The following SLC15A4 variants were observed in gnomAD, a reference collection of about 807,000 sequenced individuals.
SLC15A4 encodes solute carrier family 15 member 4.
SLC15A4 carries 26 observed loss-of-function variants against 46.1 expected under a neutral mutation model. The observed-to-expected ratio is 0.56, with a 90% CI of 0.41 to 0.78. The LOEUF is 0.78. Among genes scored for constraint, SLC15A4 ranks in the 30% least tolerant of loss-of-function variants. The probability of loss-of-function intolerance (pLI) is 0.00; values close to 1 mark genes in which losing one functional copy is unlikely to be tolerated. For synonymous variants in SLC15A4, 370 were observed against 333.4 expected (o/e 1.11, Z -1.20); for missense variants, 751 against 755.7 (o/e 0.99, Z 0.07).
At chr12:128,801,099 C>T in intron 5 of SLC15A4, 90 bp from the exon 6 acceptor site, 2 of 1,245,136 alleles carry the variant, frequency 1.6e-6, no homozygotes, top group Admixed American at 4.7e-5. Flanking sequence ...GACTTCGTAG[C>T]AAACGTGATT....
At chr12:128,798,875 C>T (rs549512586) in intron 7 of SLC15A4, among the ~76,000 whole-genome samples, 3 of 152,308 alleles carry the variant, frequency 2.0e-5, no homozygotes, top group African/African-American at 7.2e-5. Flanking sequence ...AAGTACACCA[C>T]CAAGTTAAAG....
chr12:128,822,916 C>G (rs1202287850), intron 1 of SLC15A4, among the ~76,000 whole-genome samples: 9 of 152,028 alleles, frequency 5.9e-5, no homozygotes, highest in African/African-American at 2.2e-4. Context: ...TGGTGTGACC[C>G]TAGCTCACTG....
At position 128,794,891 on chromosome 12, in the gene SLC15A4, A is replaced by G. The variant is rs557247558; in HGVS notation, c.1574-535T>C. 8.5e-5 allele frequency among the ~76,000 whole-genome samples: 13 copies of G among 152,286 alleles called. No individual in the cohort carries two copies. The South Asian group carries it at 2.7e-3, about 32-fold the overall frequency. On this transcript the variant is annotated intron_variant, in intron 7 of 7. Transcript: ENST00000266771. ...CCTTCCTGTGTTCTTGCCACCAGAA[A>G]CAAGTGTTAGCCGGTCTGGTGTTAT...
intron 1 of SLC15A4, among the ~76,000 whole-genome samples, chr12:128,819,280 T>C (rs1445415822): frequency 6.6e-6 from 1 of 152,132 alleles, no homozygotes; most frequent in African/African-American, 2.4e-5. Context: ...GGCTCACACC[T>C]GTAGTCCCAG....
At chr12:128,818,572 C>T (rs1427163056) in intron 1 of SLC15A4, among the ~76,000 whole-genome samples, 3 of 152,244 alleles carry the variant, frequency 2.0e-5, no homozygotes, top group Admixed American at 6.5e-5. Context: ...CACCTGGTCA[C>T]GGGCAAGCAC....
At chr12:128,814,301 T>C (rs1157544531) in intron 2 of SLC15A4, 1 of 208,812 alleles carries the variant, frequency 4.8e-6, no homozygotes, top group Non-Finnish European at 9.8e-6. Context: ...CGCTGTATGA[T>C]GGAGCCCATG....
At chr12:128,821,849 G>A (rs1197386628) in intron 1 of SLC15A4, among the ~76,000 whole-genome samples, 4 of 146,286 alleles carry the variant, frequency 2.7e-5, no homozygotes, top group Non-Finnish European at 5.9e-5. Flanking sequence ...TCGCGCCACT[G>A]CACTCCAACC....
At chr12:128,795,738 C>T (rs539485923) in intron 7 of SLC15A4, among the ~76,000 whole-genome samples, 2 of 152,366 alleles carry the variant, frequency 1.3e-5, no homozygotes, top group East Asian at 1.9e-4. Flanking sequence ...GAGCAGAAAA[C>T]GGCAGGACTT....
At chr12:128,810,699 C>A (rs947172749) in intron 2 of SLC15A4, among the ~76,000 whole-genome samples, 2 of 151,996 alleles carry the variant, frequency 1.3e-5, no homozygotes. Flanking sequence ...TGGGGGAGGG[C>A]GGTGCTGGTG....
In SLC15A4 at chr12:128,808,925, G is replaced by C. The variant is rs139488693; in HGVS notation, c.1121C>G (p.Ala374Gly). 1.2e-6 allele frequency: 2 copies of C among 1,614,118 alleles called. No individual in the cohort carries two copies. The highest frequency in any genetic ancestry group is 1.1e-5 in the South Asian group (1 of 91,082). Residue 374 changes from alanine to glycine, a missense_variant, in exon 5 of 8, where the codon GCT becomes GGT. Transcript: ENST00000266771. ...LPAAWLTMFD[A>G]VLILLLIPLK... ...AGGGATGAGCAGGAGGATGAGCACA[G>C]CATCAAACATGGTCAGCCAGGCTGC...
chr12:128,796,924 G>A (rs905217024), intron 7 of SLC15A4, among the ~76,000 whole-genome samples: 9 of 152,182 alleles, frequency 5.9e-5, no homozygotes, highest in East Asian at 3.8e-4. Context: ...GTGGAGGTGC[G>A]GTCCAAGCCC....
intron 1 of SLC15A4, among the ~76,000 whole-genome samples, chr12:128,822,464 C>G (rs927675880): frequency 6.6e-6 from 1 of 152,234 alleles, no homozygotes; most frequent in Non-Finnish European, 1.5e-5. Context: ...TGGAAAGCTC[C>G]TCAAACAACT....
At chr12:128,797,103 T>C (rs2135703296) in intron 7 of SLC15A4, among the ~76,000 whole-genome samples, 1 of 152,016 alleles carries the variant, frequency 6.6e-6, no homozygotes, top group South Asian at 2.1e-4. Flanking sequence ...GTTTTGACAT[T>C]TGACAAGACA....
intron 1 of SLC15A4, chr12:128,815,871 A>C (rs1209156394): frequency 6.6e-6 from 1 of 152,236 alleles, no homozygotes; most frequent in Non-Finnish European, 1.5e-5. Flanking sequence ...TGCAAGTACC[A>C]TGAGGCACCC....
At chr12:128,806,152 A>G (rs1955584843) in intron 5 of SLC15A4, among the ~76,000 whole-genome samples, 1 of 119,870 alleles carries the variant, frequency 8.3e-6, no homozygotes, top group South Asian at 2.8e-4. Flanking sequence ...CCTGGGCGAC[A>G]GAGACTCTGT....
intron 2 of SLC15A4, among the ~76,000 whole-genome samples, chr12:128,810,650 G>T (rs958300455): frequency 6.6e-6 from 1 of 152,142 alleles, no homozygotes; most frequent in East Asian, 1.9e-4. Context: ...TTCTATTCTC[G>T]GAGGAAAGCT....
At chr12:128,801,103 CG>C (rs1955513989) in intron 5 of SLC15A4, 94 bp from the exon 6 acceptor site, 2 of 1,215,894 alleles carry the variant, frequency 1.6e-6, no homozygotes, top group African/African-American at 1.5e-5. Flanking sequence ...TCGTAGCAAA[CG>C]TGATTCTGAT....
intron 1 of SLC15A4, among the ~76,000 whole-genome samples, chr12:128,819,173 G>A (rs950601024): frequency 3.9e-5 from 6 of 152,180 alleles, no homozygotes; most frequent in Non-Finnish European, 7.3e-5. Flanking sequence ...GGAGGCCGAG[G>A]CAGGTGGATC....
In SLC15A4 at chr12:128,823,578, C is replaced by A; in HGVS notation, c.366G>T (p.Leu122=). The A allele has an allele frequency of 6.9e-7, 1 of 1,444,628 alleles. No individual in the cohort carries two copies. Among genetic ancestry groups the A allele is most frequent in the South Asian group, 1.4e-5 (1 of 72,692 alleles). 89.5% of individuals were successfully genotyped at this position (1,444,628 alleles called of 1,614,324 possible). ...CGGCTCGCGTGGCGGGCGCGGCCAGCAGCGGGAAGGCCAGCATGCCCAGCA... is the reference window on the plus strand; with the variant it reads ...CGGCTCGCGTGGCGGGCGCGGCCAGAAGCGGGAAGGCCAGCATGCCCAGCA... ...LYLLGMLAFP[L]LAAPATRAAL... is the part of the protein sequence containing the mutation. The change falls in exon 1 of 8, where the codon CTG becomes CTT. Residue 122 remains leucine (L), a synonymous_variant. Transcript: ENST00000266771.
Sources: gnomAD v4.1 joint callset for allele counts (sites outside exome capture counted in the v4.1 genomes callset) on GRCh38, gnomAD v4.1.1 for gene constraint, MANE v1.5 for transcripts, NCBI Gene and HGNC (gene_info 2026-07-23, HGNC 2026-07-21) for gene names.